The following SCHIP1 variants were observed in gnomAD, a reference collection of about 807,000 sequenced individuals.
SCHIP1 encodes schwannomin interacting protein 1.
In SCHIP1, 8 loss-of-function variants were observed where a neutral mutation model predicts 29.7. The observed-to-expected ratio is 0.27, with a 90% CI of 0.16 to 0.49. SCHIP1 has a LOEUF of 0.49. Among genes scored for constraint, SCHIP1 ranks in the 20% least tolerant of loss-of-function variants. SCHIP1 has a pLI of 0.99. For missense variants in SCHIP1, 193 were observed against 294.6 expected (o/e 0.66, Z 2.52); for synonymous variants, 76 against 94.9 (o/e 0.80, Z 1.16).
chr3:159,528,414 C>T, the SCHIP1 span, among the ~76,000 whole-genome samples: 34 of 152,254 alleles, frequency 2.2e-4, no homozygotes, highest in African/African-American at 7.7e-4. Flanking sequence ...GATCCCTTCC[C>T]TTCGTGAAGG....
At chr3:159,769,839 G>C in the SCHIP1 span, among the ~76,000 whole-genome samples, 1 of 152,198 alleles carries the variant, frequency 6.6e-6, no homozygotes, top group Non-Finnish European at 1.5e-5. Context: ...ACAATTTGAT[G>C]AGTTTTGACA....
At chr3:159,719,764 G>A in the SCHIP1 span, among the ~76,000 whole-genome samples, 1 of 152,202 alleles carries the variant, frequency 6.6e-6, no homozygotes, top group Non-Finnish European at 1.5e-5. Context: ...TGGAGAAATA[G>A]GAACATTTTA....
chr3:159,836,027 G>A (rs7615816), upstream of SCHIP1, among the ~76,000 whole-genome samples: 12,279 of 152,068 alleles, frequency 0.081, 1,592 homozygotes, highest in African/African-American at 0.28. Flanking sequence ...GTAGACCCAC[G>A]CTGCAGCTTC....
the SCHIP1 span, among the ~76,000 whole-genome samples, chr3:159,343,569 C>A: frequency 1.3e-5 from 2 of 152,142 alleles, no homozygotes; most frequent in Non-Finnish European, 2.9e-5. Flanking sequence ...CACAAGAGGG[C>A]AAGCAGACAA....
chr3:159,336,662 G>A, the SCHIP1 span, among the ~76,000 whole-genome samples: 1 of 152,038 alleles, frequency 6.6e-6, no homozygotes, highest in African/African-American at 2.4e-5. Context: ...GTAGACGTGT[G>A]GTATTATTTC....
At chr3:159,869,079 T>C (rs1560090100) in intron 2 of SCHIP1, among the ~76,000 whole-genome samples, 1 of 152,066 alleles carries the variant, frequency 6.6e-6, no homozygotes, top group Non-Finnish European at 1.5e-5. Flanking sequence ...TATGCCAAAT[T>C]GCTGTTGGAT....
At chr3:159,876,228 G>A (rs1258499541) in intron 2 of SCHIP1, among the ~76,000 whole-genome samples, 2 of 152,192 alleles carry the variant, frequency 1.3e-5, no homozygotes, top group Admixed American at 6.5e-5. Context: ...TCATGAGGTG[G>A]TGTATCCACA....
the SCHIP1 span, among the ~76,000 whole-genome samples, chr3:159,405,248 A>G: frequency 6.6e-6 from 1 of 152,208 alleles, no homozygotes; most frequent in African/African-American, 2.4e-5. Flanking sequence ...ATGAATATCT[A>G]CAAGCATCAA....
chr3:159,510,374 C>A, the SCHIP1 span, among the ~76,000 whole-genome samples: 2 of 152,114 alleles, frequency 1.3e-5, no homozygotes, highest in South Asian at 2.1e-4. Flanking sequence ...TTCGTCTAAT[C>A]TTTTTTCAAG....
At chr3:159,673,633 A>C in the SCHIP1 span, among the ~76,000 whole-genome samples, 177 of 152,270 alleles carry the variant, frequency 1.2e-3, 1 homozygote, top group African/African-American at 4.1e-3. Flanking sequence ...AGTTACCGCA[A>C]ATCCTTCTAG....
At chr3:159,572,602 G>A in the SCHIP1 span, among the ~76,000 whole-genome samples, 1 of 152,158 alleles carries the variant, frequency 6.6e-6, no homozygotes, top group Non-Finnish European at 1.5e-5. Flanking sequence ...TGTTTATTTG[G>A]GATGGAGAGT....
At chr3:159,819,048 T>A in the SCHIP1 span, among the ~76,000 whole-genome samples, 1 of 152,188 alleles carries the variant, frequency 6.6e-6, no homozygotes, top group Non-Finnish European at 1.5e-5. Context: ...AGAATGTGCA[T>A]TGGGGCTGCA....
At chr3:159,725,130 G>A in the SCHIP1 span, among the ~76,000 whole-genome samples, 2 of 152,092 alleles carry the variant, frequency 1.3e-5, no homozygotes, top group African/African-American at 4.8e-5. Flanking sequence ...TGCGGATGAG[G>A]AGCCCTTCTT....
chr3:159,625,137 G>A, the SCHIP1 span, among the ~76,000 whole-genome samples: 19 of 152,270 alleles, frequency 1.2e-4, no homozygotes, highest in Admixed American at 2.0e-4. Context: ...TCTGTGCAGC[G>A]CAGTGTGCTG....
At chr3:159,810,337 G>A in the SCHIP1 span, among the ~76,000 whole-genome samples, 6 of 152,144 alleles carry the variant, frequency 3.9e-5, no homozygotes, top group South Asian at 2.1e-4. Context: ...GAGCCACCAC[G>A]CCCGGCCTCA....
chr3:159,533,184 C>CTGGT, the SCHIP1 span, among the ~76,000 whole-genome samples: 6 of 151,944 alleles, frequency 3.9e-5, no homozygotes, highest in African/African-American at 1.2e-4. Flanking sequence ...CTGACCAAGG[C>CTGGT]TGGTGGGTCA....
the SCHIP1 span, among the ~76,000 whole-genome samples, chr3:159,435,724 C>T: frequency 6.6e-6 from 1 of 152,146 alleles, no homozygotes; most frequent in African/African-American, 2.4e-5. Flanking sequence ...TGTTTGTGTT[C>T]AGTTGTGCTC....
At chr3:159,683,382 A>C in the SCHIP1 span, among the ~76,000 whole-genome samples, 1 of 152,106 alleles carries the variant, frequency 6.6e-6, no homozygotes, top group Admixed American at 6.5e-5. Context: ...TGCTATGTAG[A>C]TCTTTCACAT....
chr3:159,570,025 T>C, the SCHIP1 span, among the ~76,000 whole-genome samples: 1 of 152,192 alleles, frequency 6.6e-6, no homozygotes, highest in Admixed American at 6.5e-5. Flanking sequence ...TTGAGTTCTT[T>C]GTAGATTCTG....
Sources: gnomAD v4.1 joint callset for allele counts (sites outside exome capture counted in the v4.1 genomes callset) on GRCh38, gnomAD v4.1.1 for gene constraint, MANE v1.5 for transcripts, NCBI Gene and HGNC (gene_info 2026-07-23, HGNC 2026-07-21) for gene names.